Variants in ARIH1 observed in about 807,000 individuals in gnomAD.
ARIH1 encodes E3 ubiquitin-protein ligase ARIH1.
In ARIH1, 8 loss-of-function variants were observed where a neutral mutation model predicts 85.0. That is an observed-to-expected ratio of 0.09 (90% CI 0.06 to 0.17). The LOEUF is 0.17. Among genes scored for constraint, ARIH1 ranks in the 10% least tolerant of loss-of-function variants. ARIH1 has a pLI of 1.00. For missense variants in ARIH1, 311 were observed against 718.1 expected (o/e 0.43, Z 6.48); for synonymous variants, 238 against 253.6 (o/e 0.94, Z 0.59).
chr15:72,539,314 C>T (rs2064096243), intron 2 of ARIH1, among the ~76,000 whole-genome samples: 1 of 152,018 alleles, frequency 6.6e-6, no homozygotes, highest in Non-Finnish European at 1.5e-5. Context: ...ACTATCCAGG[C>T]ACAGTAGTCT....
At chr15:72,573,348 G>T (rs995025909) in intron 11 of ARIH1, among the ~76,000 whole-genome samples, 5 of 152,074 alleles carry the variant, frequency 3.3e-5, no homozygotes, top group African/African-American at 4.8e-5. Context: ...ATCACCTGAG[G>T]TCGGGAGTTC....
At chr15:72,531,612 C>A (rs1285460847) in intron 2 of ARIH1, among the ~76,000 whole-genome samples, 2 of 151,754 alleles carry the variant, frequency 1.3e-5, no homozygotes, top group Non-Finnish European at 2.9e-5. Flanking sequence ...ACAAAATCAG[C>A]AAAAATAAAA....
Position 72,598,456 on chromosome 15 carries a change from G to T in ARIH1, c.*15164G>T, listed in dbSNP as rs1358629727. 5 of 151,950 alleles carry T rather than the reference G, an allele frequency of 3.3e-5. No individual in the cohort carries two copies. The highest frequency in any genetic ancestry group is 5.9e-5 in the Non-Finnish European group (4 of 68,014). 9.4% of individuals were successfully genotyped at this position (151,950 alleles called of 1,614,324 possible). A position where few individuals can be genotyped will look rare whatever the true frequency, so the allele number is the denominator to read the frequency against. On this transcript the variant is annotated 3_prime_UTR_variant, in exon 14 of 14. Transcript: ENST00000379887. Reference sequence around the variant, plus strand: ...AGGTCAGGCACAGTGTCTCATGCCTGTAATCCCAGCACTTTGGGAGGCCGA... The same window carrying T: ...AGGTCAGGCACAGTGTCTCATGCCTTTAATCCCAGCACTTTGGGAGGCCGA...
At chr15:72,529,267 CT>C (rs1442978294) in intron 2 of ARIH1, among the ~76,000 whole-genome samples, 9 of 152,212 alleles carry the variant, frequency 5.9e-5, no homozygotes, top group African/African-American at 1.2e-4. Context: ...CTTGCTCCCC[CT>C]ATCTCACTAT....
chr15:72,520,189 C>T (rs150462919), intron 2 of ARIH1, among the ~76,000 whole-genome samples: 41 of 152,196 alleles, frequency 2.7e-4, no homozygotes, highest in African/African-American at 9.9e-4. Flanking sequence ...AGTATGTGAA[C>T]GTTTCAGTTT....
At chr15:72,562,577 C>T (rs1404562383) in intron 6 of ARIH1, among the ~76,000 whole-genome samples, 1 of 150,376 alleles carries the variant, frequency 6.6e-6, no homozygotes, top group African/African-American at 2.4e-5. Flanking sequence ...CAATCTTTGC[C>T]TGTGGTTTAG....
At chr15:72,529,334 C>T (rs1595862343) in intron 2 of ARIH1, among the ~76,000 whole-genome samples, 2 of 152,218 alleles carry the variant, frequency 1.3e-5, no homozygotes, top group South Asian at 2.1e-4. Flanking sequence ...CCTTGAACTC[C>T]GGGGCTCAAA....
intron 3 of ARIH1, 113 bp downstream of exon 3, chr15:72,545,077 C>G (rs1332312560): frequency 6.4e-6 from 6 of 933,234 alleles, no homozygotes; most frequent in African/African-American, 5.0e-5. Context: ...AACCTCTAAG[C>G]CATAACCTAT....
chr15:72,474,930 G>C lies in ARIH1; in HGVS notation c.291G>C (p.Glu97Asp). Residue 97 changes from glutamate (E) to aspartate (D), a missense_variant, in exon 1 of 14, where the codon GAG (glutamate) becomes GAC (aspartate). By Grantham distance (45) the Glu-to-Asp change is conservative. Around this residue, in one of 3 missense-constraint regions of ARIH1, gnomAD observed 157 missense variants for 185.1 expected, o/e 0.85. Coordinates refer to ENST00000379887, the MANE Select transcript of ARIH1 (RefSeq NM_005744.5). ...GGGGPGHEQE[E>D]DYRYEVLTAE... ...GCGGGCCGGGGCATGAGCAGGAGGA[G>C]GATTACCGCTACGAGGTGCTCACGG... 1 of 1,534,814 alleles carries C rather than the reference G, an allele frequency of 6.5e-7. No individual in the cohort carries two copies. Among genetic ancestry groups the C allele is most frequent in the Non-Finnish European group, 8.8e-7 (1 of 1,139,362 alleles).
intron 3 of ARIH1, among the ~76,000 whole-genome samples, chr15:72,547,174 G>A (rs1274402315): frequency 6.6e-6 from 1 of 150,638 alleles, no homozygotes; most frequent in Non-Finnish European, 1.5e-5. Flanking sequence ...TGATCTGCCC[G>A]CCTCAGCATG....
chr15:72,515,647 G>C (rs971940083), intron 1 of ARIH1, among the ~76,000 whole-genome samples: 1 of 152,202 alleles, frequency 6.6e-6, no homozygotes, highest in Non-Finnish European at 1.5e-5. Flanking sequence ...ATAGGCAGTG[G>C]TTCCATTATC....
At chr15:72,537,320 C>CT (rs1462668469) in intron 2 of ARIH1, among the ~76,000 whole-genome samples, 10 of 152,090 alleles carry the variant, frequency 6.6e-5, no homozygotes, top group Non-Finnish European at 1.5e-4. Context: ...TGTTTGAAAA[C>CT]TTACATTCTG....
At chr15:72,481,773 GATGCTATCCTTCATGCT>G (rs2063817327) in intron 1 of ARIH1, among the ~76,000 whole-genome samples, 2 of 152,182 alleles carry the variant, frequency 1.3e-5, no homozygotes, top group Admixed American at 6.5e-5. Flanking sequence ...TGTCATCGTA[GATGCTATCCTTCATGCT>G]ATGCTATCCT....
At chr15:72,529,432 G>C (rs2064045816) in intron 2 of ARIH1, among the ~76,000 whole-genome samples, 1 of 152,146 alleles carries the variant, frequency 6.6e-6, no homozygotes, top group South Asian at 2.1e-4. Context: ...ACCTTACTTT[G>C]TTGACCACAC....
chr15:72,547,236 T>TTCTC (rs59257336), intron 3 of ARIH1, among the ~76,000 whole-genome samples: 137,399 of 149,860 alleles, frequency 0.92, 64,114 homozygotes, highest in South Asian at 1. Flanking sequence ...CTCTTTCCTT[T>TTCTC]TCTCTTTTTT....
chr15:72,587,477 A>C lies in ARIH1; in HGVS notation c.*4185A>C, dbSNP rs567547183. The C allele has an allele frequency of 3.6e-5, 10 of 275,136 alleles. No homozygotes were observed. The highest frequency in any genetic ancestry group is 3.1e-4 in the South Asian group (9 of 28,734). 17.0% of individuals were successfully genotyped at this position (275,136 alleles called of 1,614,324 possible). On this transcript the variant is annotated 3_prime_UTR_variant, in exon 14 of 14. Transcript: ENST00000379887. ...GCTTAATAGTACCCAAGTAATTTGC[A>C]GTTGTTGGTTTAGTTATTCAAATGA...
At chr15:72,494,063 T>C (rs1292016360) in intron 1 of ARIH1, among the ~76,000 whole-genome samples, 2 of 152,214 alleles carry the variant, frequency 1.3e-5, no homozygotes, top group Non-Finnish European at 2.9e-5. Flanking sequence ...CTGATTTTTA[T>C]ATTTCTTATA....
rs1037499769 is a variant in ARIH1, at chr15:72,592,291, A to G, written c.*8999A>G. On this transcript the variant is annotated 3_prime_UTR_variant, in exon 14 of 14. Coordinates refer to ENST00000379887, the MANE Select transcript of ARIH1 (RefSeq NM_005744.5). ...TTGTGTGCTCTTTAAGATAAATTCC[A>G]TAATCAAGGGCCTGGCCCTGAATAG... 2.6e-5 allele frequency: 4 copies of G among 152,326 alleles called. No individual in the cohort carries two copies. The highest frequency in any genetic ancestry group is 5.9e-5 in the Non-Finnish European group (4 of 68,032). The allele number at this position is 152,326 out of a possible 1,614,324, so 9.4% of individuals were successfully genotyped here.
chr15:72,556,864 C>T (rs1472996684), intron 5 of ARIH1, among the ~76,000 whole-genome samples: 1 of 152,184 alleles, frequency 6.6e-6, no homozygotes, highest in Non-Finnish European at 1.5e-5. Flanking sequence ...CCTCTAGCTG[C>T]ATTTGTATTG....
Sources: gnomAD v4.1 joint callset for allele counts (sites outside exome capture counted in the v4.1 genomes callset) on GRCh38, gnomAD v4.1.1 for gene constraint, gnomAD v4.1.1 regional missense constraint, MANE v1.5 for transcripts, NCBI Gene and HGNC (gene_info 2026-07-23, HGNC 2026-07-21) for gene names.